CNOT4: variants seen among roughly 807,000 people sequenced by gnomAD.
CNOT4 encodes CCR4-associated factor 4.
A neutral mutation model predicts 73.8 loss-of-function variants in CNOT4; 8 were observed. The observed-to-expected ratio is 0.11, with a 90% CI of 0.06 to 0.20. CNOT4 has a LOEUF of 0.20. Among genes scored for constraint, CNOT4 ranks in the 10% least tolerant of loss-of-function variants. The probability of loss-of-function intolerance (pLI) is 1.00; values close to 1 mark genes in which losing one functional copy is unlikely to be tolerated. For synonymous variants in CNOT4, 293 were observed against 321.1 expected (o/e 0.91, Z 0.94); for missense variants, 564 against 883.4 (o/e 0.64, Z 4.58).
At chr7:135,415,913 G>A (rs955436274) in intron 3 of CNOT4, among the ~76,000 whole-genome samples, 3 of 151,790 alleles carry the variant, frequency 2.0e-5, no homozygotes, top group African/African-American at 4.8e-5. Context: ...AAATTTACAC[G>A]TTTCTTTCTT....
intron 1 of CNOT4, among the ~76,000 whole-genome samples, chr7:135,462,929 T>G (rs1367597140): frequency 6.6e-6 from 1 of 152,250 alleles, no homozygotes; most frequent in Non-Finnish European, 1.5e-5. Context: ...TGTGATAACC[T>G]TCAATCTTCT....
chr7:135,402,112 CTTT>C (rs71531849), intron 7 of CNOT4, among the ~76,000 whole-genome samples: 3 of 142,272 alleles, frequency 2.1e-5, no homozygotes, highest in Admixed American at 7.0e-5. Context: ...AAGACTATAT[CTTT>C]TTTTTTTTTT....
intron 1 of CNOT4, among the ~76,000 whole-genome samples, chr7:135,487,467 T>G (rs904730704): frequency 3.9e-5 from 6 of 151,976 alleles, no homozygotes; most frequent in African/African-American, 9.7e-5. Context: ...CTGGAACTCC[T>G]AGGCTCAAGT....
In CNOT4 at chr7:135,391,988, A is replaced by G. The variant is rs117335802; in HGVS notation, c.1627+1930T>C. Among the ~76,000 whole-genome samples, 277 of 152,164 alleles carry G rather than the reference A, an allele frequency of 1.8e-3. 3 individuals carry two copies. Among genetic ancestry groups the G allele is most frequent in the Non-Finnish European group, 2.6e-3 (180 of 67,926 alleles). On this transcript the variant is annotated intron_variant, in intron 10 of 11. Coordinates refer to ENST00000541284, the MANE Select transcript of CNOT4 (RefSeq NM_001190850.2). ...TCCATTATATCTATACAATTTAAGA[A>G]GCACCTCCTGTTATAGGAGGTAGCT... is the stretch of plus-strand genomic sequence containing the variant.
intron 1 of CNOT4, among the ~76,000 whole-genome samples, chr7:135,460,184 T>C (rs1800792109): frequency 6.6e-6 from 1 of 152,246 alleles, no homozygotes; most frequent in African/African-American, 2.4e-5. Context: ...TCAAACTTTC[T>C]CCATGTCCAC....
intron 6 of CNOT4, among the ~76,000 whole-genome samples, chr7:135,412,531 T>C (rs1329898558): frequency 5.9e-5 from 9 of 151,922 alleles, no homozygotes; most frequent in Non-Finnish European, 1.3e-4. Context: ...AAATATCAGA[T>C]AGACCTTATT....
chr7:135,418,439 G>T (rs1012411467), intron 3 of CNOT4, among the ~76,000 whole-genome samples: 3 of 152,120 alleles, frequency 2.0e-5, no homozygotes, highest in African/African-American at 7.2e-5. Context: ...ATGTTCAAGG[G>T]CATGTCTAGT....
At chr7:135,384,806 C>T in intron 10 of CNOT4, 1 of 737,570 alleles carries the variant, frequency 1.4e-6, no homozygotes, top group Non-Finnish European at 2.5e-6. Context: ...ATCTAGTTAG[C>T]ATCTTGTTTG....
At chr7:135,410,776 T>A in intron 6 of CNOT4, 128 bp from the exon 7 acceptor site, 2 of 583,188 alleles carry the variant, frequency 3.4e-6, no homozygotes, top group Non-Finnish European at 4.6e-6. Flanking sequence ...AATAAAATAT[T>A]AAATAAATTT....
intron 10 of CNOT4, among the ~76,000 whole-genome samples, chr7:135,380,417 A>G (rs1795780084): frequency 6.6e-6 from 1 of 152,230 alleles, no homozygotes; most frequent in African/African-American, 2.4e-5. Context: ...TTTTGTAGTT[A>G]GCATAAGTTT....
chr7:135,458,603 T>G (rs529772233), intron 1 of CNOT4, among the ~76,000 whole-genome samples: 4 of 152,068 alleles, frequency 2.6e-5, no homozygotes, highest in Admixed American at 6.6e-5. Flanking sequence ...GTCAAATAAG[T>G]TTATTAAATA....
intron 1 of CNOT4, among the ~76,000 whole-genome samples, chr7:135,445,423 T>C (rs574171731): frequency 6.6e-6 from 1 of 152,298 alleles, no homozygotes; most frequent in South Asian, 2.1e-4. Flanking sequence ...GATGGTTACA[T>C]ATACCAGGGA....
At chr7:135,421,752 G>T (rs180938022) in intron 3 of CNOT4, among the ~76,000 whole-genome samples, 1 of 152,206 alleles carries the variant, frequency 6.6e-6, no homozygotes, top group African/African-American at 2.4e-5. Context: ...TAAAATCTAG[G>T]TTACTAAAAT....
intron 2 of CNOT4, among the ~76,000 whole-genome samples, chr7:135,428,597 C>A (rs1798643419): frequency 6.6e-6 from 1 of 151,900 alleles, no homozygotes; most frequent in Admixed American, 6.6e-5. Flanking sequence ...TATTTAGTGG[C>A]AGATTGGATA....
chr7:135,413,538 G>A lies in CNOT4; in HGVS notation c.637C>T (p.Leu213Phe), dbSNP rs1797690333. The change falls in exon 6 of 12, where the codon CTT becomes TTT. Residue 213 changes from leucine (L) to phenylalanine (F), a missense_variant. Leu to Phe is a conservative substitution (Grantham distance 22). Around this residue, in one of 10 missense-constraint regions of CNOT4, gnomAD observed 14 missense variants for 69.5 expected, o/e 0.20. Transcript: ENST00000541284. The stretch of plus-strand genomic sequence containing the variant: ...GCCGCCTCATCCCCCAATTCATGAA[G>A]ATACATGCAGTCAGGTTTTGGACAC... ...MQCPKPDCMY[L>F]HELGDEAASF... 6.2e-7 allele frequency: 1 copy of A among 1,611,922 alleles called. No individual in the cohort carries two copies.
intron 10 of CNOT4, among the ~76,000 whole-genome samples, chr7:135,373,357 A>G (rs1389198054): frequency 6.6e-6 from 1 of 152,208 alleles, no homozygotes; most frequent in African/African-American, 2.4e-5. Context: ...AACCAAAAGG[A>G]CAGATTAAGT....
chr7:135,396,278 C>T (rs752319205), intron 8 of CNOT4, among the ~76,000 whole-genome samples: 1 of 151,486 alleles, frequency 6.6e-6, no homozygotes, highest in Admixed American at 6.6e-5. Context: ...CCACCACGCC[C>T]GGCTAATTTT....
chr7:135,367,633 G>A (rs1186278736), intron 10 of CNOT4, among the ~76,000 whole-genome samples: 2 of 152,134 alleles, frequency 1.3e-5, no homozygotes, highest in African/African-American at 4.8e-5. Flanking sequence ...CTAAGGCAGG[G>A]TATTTCTTAC....
chr7:135,502,968 C>CA (rs1365944090), intron 1 of CNOT4, among the ~76,000 whole-genome samples: 1 of 151,562 alleles, frequency 6.6e-6, no homozygotes, highest in Non-Finnish European at 1.5e-5. Context: ...GCCTGGCCAA[C>CA]ATGGTGAAAC....
Sources: allele counts gnomAD v4.1 joint callset (sites outside exome capture counted in the v4.1 genomes callset), GRCh38; gene constraint gnomAD v4.1.1; regional missense constraint gnomAD v4.1.1; transcripts MANE v1.5; gene names NCBI Gene and HGNC (gene_info 2026-07-23, HGNC 2026-07-21).